PHF14: variants seen among roughly 807,000 people sequenced by gnomAD.
PHF14 encodes PHD finger protein 14.
Under a neutral mutation model 117.9 loss-of-function variants are expected in PHF14, and 55 were observed. That is an observed-to-expected ratio of 0.47 (90% CI 0.38 to 0.58). PHF14 has a LOEUF of 0.58. PHF14 is among the 20% of genes least tolerant of loss of function. The pLI, the probability that PHF14 is intolerant of heterozygous loss-of-function variation, is 0.00. For missense variants in PHF14, 978 were observed against 1,122.2 expected (o/e 0.87, Z 1.84); for synonymous variants, 409 against 368.6 (o/e 1.11, Z -1.26).
rs757187981 is a variant in PHF14 at position 11,042,780 on chromosome 7, A to T, written c.2278A>T (p.Thr760Ser). The change falls in exon 13 of 18, where the codon ACA becomes TCA. Residue 760 changes from threonine (T) to serine (S), a missense_variant. Thr to Ser is a moderately conservative substitution (Grantham distance 58). Coordinates refer to ENST00000634607, the MANE Select transcript of PHF14 (RefSeq NM_001007157.2). ...TCTTGGATGTCTGGATCCTCCTCTT[A>T]CAAGGATGCCAAGAAAGACCAAAAA... ...YHLGCLDPPLTRMPRKTKNSY... is the reference protein window; with the variant it reads ...YHLGCLDPPLSRMPRKTKNSY... The T allele has an allele frequency of 5.7e-6, 9 of 1,586,642 alleles. No homozygotes were observed. In the South Asian group the frequency reaches 1.0e-4, roughly 18 times the overall value.
intron 14 of PHF14, among the ~76,000 whole-genome samples, chr7:11,055,073 G>A (rs986047562): frequency 1.3e-5 from 2 of 152,060 alleles, no homozygotes; most frequent in Admixed American, 6.5e-5. Context: ...TGTTTCATCA[G>A]TGAAACTATA....
chr7:11,078,133 AT>A (rs1036501441), intron 16 of PHF14, among the ~76,000 whole-genome samples: 8 of 151,718 alleles, frequency 5.3e-5, no homozygotes, highest in Middle Eastern at 3.4e-3. Context: ...ATCTAACCTC[AT>A]TTTTTCCCCT....
intron 17 of PHF14, among the ~76,000 whole-genome samples, chr7:11,127,052 T>C (rs1325958119): frequency 1.3e-5 from 2 of 152,096 alleles, no homozygotes; most frequent in East Asian, 1.9e-4. Context: ...GCTTCCTTTT[T>C]CCCCCAGTTA....
At chr7:11,089,006 A>G (rs1429864875) in intron 16 of PHF14, among the ~76,000 whole-genome samples, 3 of 152,110 alleles carry the variant, frequency 2.0e-5, no homozygotes, top group Admixed American at 6.6e-5. Context: ...AAAATCTTCA[A>G]CACCATTTTA....
chr7:11,031,470 G>A (rs1017678820), intron 7 of PHF14, among the ~76,000 whole-genome samples: 19 of 151,948 alleles, frequency 1.3e-4, no homozygotes, highest in Admixed American at 1.2e-3. Flanking sequence ...CTGGACTATA[G>A]GGCTGGGTGC....
At chr7:11,160,650 T>C (rs1393118238) in intron 17 of PHF14, among the ~76,000 whole-genome samples, 3 of 152,184 alleles carry the variant, frequency 2.0e-5, no homozygotes, top group African/African-American at 7.2e-5. Flanking sequence ...TCTTTTTGAT[T>C]TGCATTTCGC....
At chr7:11,015,411 A>AT (rs1309389120) in intron 5 of PHF14, among the ~76,000 whole-genome samples, 2 of 152,152 alleles carry the variant, frequency 1.3e-5, no homozygotes, top group Non-Finnish European at 2.9e-5. Context: ...CAAAAATAAA[A>AT]TATATAACAA....
intron 16 of PHF14, chr7:11,106,975 C>G: frequency 2.0e-6 from 2 of 982,876 alleles, no homozygotes; most frequent in Non-Finnish European, 2.4e-6. Flanking sequence ...AATGTACATC[C>G]TTGTTCAAGT....
rs1782085865 is a variant in PHF14 at position 10,982,760 on chromosome 7, C to T, written c.501C>T (p.Pro167=). 3 of 1,613,736 alleles carry T rather than the reference C, an allele frequency of 1.9e-6. No homozygotes were observed. The highest frequency in any genetic ancestry group is 1.3e-5 in the African/African-American group (1 of 75,004). The part of the protein sequence containing the change: ...PPAVNTSPSV[P]TTTTATEEQV... ...CTGTTAACACATCCCCTTCTGTTCC[C>T]ACTACGACAACCGCTACAGAGGAAC... The change falls in exon 3 of 18, where the codon CCC becomes CCT. Residue 167 remains proline, a synonymous_variant. Coordinates refer to ENST00000634607, the MANE Select transcript of PHF14 (RefSeq NM_001007157.2).
At chr7:10,980,743 A>G (rs902138585) in intron 2 of PHF14, among the ~76,000 whole-genome samples, 2 of 152,182 alleles carry the variant, frequency 1.3e-5, no homozygotes, top group African/African-American at 2.4e-5. Context: ...CTCCGCAGAA[A>G]TAATGTTTGA....
chr7:11,054,802 T>TTACA (rs1485828745), intron 14 of PHF14, among the ~76,000 whole-genome samples: 1 of 152,180 alleles, frequency 6.6e-6, no homozygotes, highest in East Asian at 1.9e-4. Context: ...AGCACAGGTA[T>TTACA]TACAATTGGG....
At chr7:11,021,565 G>A (rs539245229) in intron 5 of PHF14, among the ~76,000 whole-genome samples, 1 of 152,154 alleles carries the variant, frequency 6.6e-6, no homozygotes, top group Non-Finnish European at 1.5e-5. Context: ...AAGAAGGTCA[G>A]TATGAAGCAA....
At position 11,162,987 on chromosome 7, in the gene PHF14, A is replaced by T. The variant is rs184708934; in HGVS notation, c.2773-6429A>T. ...CAAGAAAAGAAATAGTTATTTATGT[A>T]TTCCCATACATGAAATTAGAAATTT... On this transcript the variant is annotated intron_variant, in intron 17 of 17. Coordinates refer to ENST00000634607, the MANE Select transcript of PHF14 (RefSeq NM_001007157.2). 2.6e-5 allele frequency among the ~76,000 whole-genome samples: 4 copies of T among 152,322 alleles called. No individual in the cohort carries two copies. In the South Asian group the frequency reaches 8.3e-4, roughly 32 times the overall value.
intron 16 of PHF14, chr7:11,103,029 C>T: frequency 1.0e-6 from 1 of 988,616 alleles, no homozygotes. Context: ...TATTCTGTTT[C>T]CTTCAACTTC....
At chr7:11,026,988 C>T (rs561951541) in intron 6 of PHF14, among the ~76,000 whole-genome samples, 1 of 152,196 alleles carries the variant, frequency 6.6e-6, no homozygotes, top group South Asian at 2.1e-4. Context: ...TTATGTTCTC[C>T]TGTGTTCTCA....
chr7:11,128,263 T>C (rs899396315), intron 17 of PHF14, among the ~76,000 whole-genome samples: 1 of 152,252 alleles, frequency 6.6e-6, no homozygotes, highest in Non-Finnish European at 1.5e-5. Context: ...GCATCAAGGC[T>C]TCAGTTTTAT....
intron 17 of PHF14, among the ~76,000 whole-genome samples, chr7:11,115,442 C>T (rs766827749): frequency 1.3e-5 from 2 of 151,988 alleles, no homozygotes; most frequent in African/African-American, 2.4e-5. Context: ...TACTATAGAA[C>T]AGGTACATAA....
At chr7:11,070,515 C>G (rs1216024838) in intron 16 of PHF14, among the ~76,000 whole-genome samples, 4 of 152,168 alleles carry the variant, frequency 2.6e-5, no homozygotes, top group Non-Finnish European at 5.9e-5. Flanking sequence ...TAGGACTTTC[C>G]TGCTTTCTGT....
rs1198993164 is a variant in PHF14 at position 11,073,453 on chromosome 7, C to G, written c.2654+11368C>G. Among the ~76,000 whole-genome samples the G allele has an allele frequency of 2.0e-5, 3 of 152,230 alleles. No homozygotes were observed. The East Asian group carries it at 5.8e-4, about 29-fold the overall frequency. On this transcript the variant is annotated intron_variant, in intron 16 of 17. Transcript: ENST00000634607. Reference sequence around the variant, plus strand: ...TGCCATATCCTGCATCCTGGGCACACTAGTACAATGGGTGGGCTCCAAATG... The same window carrying G: ...TGCCATATCCTGCATCCTGGGCACAGTAGTACAATGGGTGGGCTCCAAATG...
Sources: allele counts gnomAD v4.1 joint callset (sites outside exome capture counted in the v4.1 genomes callset), GRCh38; gene constraint gnomAD v4.1.1; transcripts MANE v1.5; gene names NCBI Gene and HGNC (gene_info 2026-07-23, HGNC 2026-07-21).